Variants in AHDC1 observed in about 807,000 individuals in gnomAD.
AHDC1 encodes the protein AT-hook DNA binding motif containing 1.
A neutral mutation model predicts 87.9 loss-of-function variants in AHDC1; 7 were observed. The ratio of observed to expected loss-of-function variants is 0.08; its 90% CI spans 0.05 to 0.15. The LOEUF (loss-of-function observed/expected upper bound fraction) is 0.15. AHDC1 is among the 10% of genes least tolerant of loss of function. AHDC1 has a pLI of 1.00. For missense variants in AHDC1, 1,841 were observed against 2,253.2 expected (o/e 0.82, Z 3.70); for synonymous variants, 1,051 against 1,006.8 (o/e 1.04, Z -0.83).
In AHDC1 at chr1:27,595,073, G is replaced by A. The variant is rs2089331165; in HGVS notation, c.-629+8324C>T. The stretch of plus-strand genomic sequence containing the variant: ...AGGAGGCAGTGTGCACAAGTTTCAG[G>A]AGGTATTAGAAGCTTCGGGGCCTGA... On this transcript the variant is annotated intron_variant, in intron 3 of 8. Coordinates refer to ENST00000673934, the MANE Select transcript of AHDC1 (RefSeq NM_001371928.1). The surrounding 1 kb of genome is among the most constrained non-coding windows in gnomAD (Gnocchi z 4.0). 2.0e-5 allele frequency among the ~76,000 whole-genome samples: 3 copies of A among 152,094 alleles called. No individual in the cohort carries two copies. In the South Asian group the frequency reaches 6.2e-4, roughly 32 times the overall value.
intron 3 of AHDC1, among the ~76,000 whole-genome samples, chr1:27,600,178 CCCGCCCCCCTCCCT>C (rs1344378620): frequency 6.6e-6 from 1 of 151,906 alleles, no homozygotes; most frequent in African/African-American, 2.4e-5. Context: ...GGGTCGCTCC[CCCGCCCCCCTCCCT>C]GGGGGGGGCC....
At chr1:27,546,835 G>A (rs1165464116) in intron 8 of AHDC1, among the ~76,000 whole-genome samples, 1 of 152,134 alleles carries the variant, frequency 6.6e-6, no homozygotes, top group Non-Finnish European at 1.5e-5. Context: ...CTGGGTAGAC[G>A]ACCGTCCAAC....
Position 27,534,731 on chromosome 1 carries a change from C to T in AHDC1, c.*229G>A, listed in dbSNP as rs535792641. The T allele has an allele frequency of 6.9e-6, 1 of 144,744 alleles. No homozygotes were observed. The highest frequency in any genetic ancestry group is 1.5e-5 in the Non-Finnish European group (1 of 66,462). The allele number at this position is 144,744 out of a possible 1,614,324, so 9.0% of individuals were successfully genotyped here. ...TTTGTACATTTTTAAAAAGTATTTA[C>T]AATTGCTGGTTTTGTGCAGAAAGGG... On this transcript the variant is annotated 3_prime_UTR_variant, in exon 9 of 9. Coordinates refer to ENST00000673934, the MANE Select transcript of AHDC1 (RefSeq NM_001371928.1).
intron 3 of AHDC1, among the ~76,000 whole-genome samples, chr1:27,592,212 G>A (rs1383982133): frequency 1.3e-5 from 2 of 152,182 alleles, no homozygotes; most frequent in Non-Finnish European, 2.9e-5. Context: ...AGGGTAGGGG[G>A]CTGCAACAGG....
At position 27,598,537 on chromosome 1, in the gene AHDC1, C is replaced by G. The variant is rs1306363529; in HGVS notation, c.-629+4860G>C. Among the ~76,000 whole-genome samples the G allele has an allele frequency of 5.9e-5, 9 of 152,290 alleles. No homozygotes were observed. The South Asian group carries it at 1.0e-3, about 18-fold the overall frequency. ...TGTCAGCTGGGCTGGAGGGGGGCTC[C>G]TTCCCTCCTCCTTTCCAGGCAGTCC... is the stretch of plus-strand genomic sequence containing the variant. On this transcript the variant is annotated intron_variant, in intron 3 of 8. Transcript: ENST00000673934. This position sits in a 1 kb window ranked among gnomAD's most constrained non-coding sequence, Gnocchi z 4.2.
At chr1:27,543,396 G>A (rs969183804) in intron 8 of AHDC1, among the ~76,000 whole-genome samples, 3 of 152,208 alleles carry the variant, frequency 2.0e-5, no homozygotes, top group African/African-American at 7.2e-5. Flanking sequence ...TGCTTGACCC[G>A]TTCTGTTCCC....
intron 8 of AHDC1, among the ~76,000 whole-genome samples, chr1:27,540,690 C>T (rs1027613008): frequency 1.3e-5 from 2 of 152,066 alleles, no homozygotes; most frequent in East Asian, 1.9e-4. Context: ...AGCAAAAGCA[C>T]GGGGCACCTT....
intron 3 of AHDC1, among the ~76,000 whole-genome samples, chr1:27,601,783 A>G (rs745869338): frequency 2.0e-5 from 3 of 152,108 alleles, no homozygotes; most frequent in African/African-American, 4.8e-5. Flanking sequence ...CACACAGAAC[A>G]GGAACAAGCC....
intron 8 of AHDC1, among the ~76,000 whole-genome samples, chr1:27,537,814 C>CA (rs2018713819): frequency 6.6e-6 from 1 of 152,160 alleles, no homozygotes; most frequent in African/African-American, 2.4e-5. Context: ...GGTGCCAGGG[C>CA]ATTAAGTGGT....
At position 27,548,803 on chromosome 1, in the gene AHDC1, C is replaced by A; in HGVS notation, c.3313G>T (p.Ala1105Ser). The A allele has an allele frequency of 6.2e-7, 1 of 1,612,798 alleles. No homozygotes were observed. The highest frequency in any genetic ancestry group is 8.5e-7 in the Non-Finnish European group (1 of 1,179,746). ...SPENCRQFAG[A>S]SQWPFRQGYG... ...CCCTGCCGGAAAGGCCACTGAGAAGCCCCCGCAAACTGCCGACAGTTCTCG... is the reference window on the plus strand; with the variant it reads ...CCCTGCCGGAAAGGCCACTGAGAAGACCCCGCAAACTGCCGACAGTTCTCG... Residue 1105 changes from alanine to serine, a missense_variant, in exon 8 of 9, where the codon GCT (alanine) becomes TCT (serine). Transcript: ENST00000673934.
intron 3 of AHDC1, among the ~76,000 whole-genome samples, chr1:27,584,367 T>C (rs570572991): frequency 5.1e-4 from 77 of 152,346 alleles, no homozygotes; most frequent in African/African-American, 1.7e-3. Flanking sequence ...TTTTATCTCA[T>C]TTGAGCCTCA....
intron 5 of AHDC1, among the ~76,000 whole-genome samples, chr1:27,556,102 G>A (rs2019803629): frequency 6.6e-6 from 1 of 152,150 alleles, no homozygotes; most frequent in African/African-American, 2.4e-5. Context: ...CAGCTGGTTG[G>A]GAGGGGGCTG....
rs1402174907 is a variant in AHDC1 at position 27,560,493 on chromosome 1, C to CT, written c.-628-1611dup. 6.6e-6 allele frequency among the ~76,000 whole-genome samples: 1 copy of CT among 152,164 alleles called. No individual in the cohort carries two copies. Among genetic ancestry groups the CT allele is most frequent in the Non-Finnish European group, 1.5e-5 (1 of 68,038 alleles). On this transcript the variant is annotated intron_variant, in intron 3 of 8. Coordinates refer to ENST00000673934, the MANE Select transcript of AHDC1 (RefSeq NM_001371928.1). The surrounding 1 kb of genome is among the most constrained non-coding windows in gnomAD (Gnocchi z 4.1). The stretch of plus-strand genomic sequence containing the variant: ...ATCTCGAGGCCTGTGACTGCAGGCA[C>CT]TGGTGTCACTGTGGATCAGTGTTGC...
intron 3 of AHDC1, among the ~76,000 whole-genome samples, chr1:27,575,312 G>A (rs1174914574): frequency 6.6e-6 from 1 of 152,196 alleles, no homozygotes; most frequent in Non-Finnish European, 1.5e-5. Context: ...GAAACCAGGC[G>A]GCTGGGGGAG....
chr1:27,556,378 A>G (rs982999746), intron 5 of AHDC1, among the ~76,000 whole-genome samples: 2 of 151,754 alleles, frequency 1.3e-5, no homozygotes, highest in African/African-American at 2.4e-5. Flanking sequence ...GATGTCCTCA[A>G]ATGGAAAACA....
Position 27,534,355 on chromosome 1 carries a change from A to G in AHDC1, c.*605T>C, listed in dbSNP as rs1318361933. 6.6e-6 allele frequency: 1 copy of G among 150,726 alleles called. No individual in the cohort carries two copies. Among genetic ancestry groups the G allele is most frequent in the Non-Finnish European group, 1.5e-5 (1 of 67,766 alleles). 9.3% of individuals were successfully genotyped at this position (150,726 alleles called of 1,614,324 possible). On this transcript the variant is annotated 3_prime_UTR_variant, in exon 9 of 9. Transcript: ENST00000673934. ...CCTGCCAACAGAAAACAACAACAACAACAACAGAAGAGAAAACCCAAAAGA... is the reference window on the plus strand; with the variant it reads ...CCTGCCAACAGAAAACAACAACAACGACAACAGAAGAGAAAACCCAAAAGA...
At chr1:27,592,654 G>A (rs2089258643) in intron 3 of AHDC1, among the ~76,000 whole-genome samples, 3 of 152,024 alleles carry the variant, frequency 2.0e-5, no homozygotes, top group African/African-American at 4.8e-5. Flanking sequence ...GGAAGGAGGG[G>A]GCTCCCCAGC....
chr1:27,544,789 G>C (rs190160369), intron 8 of AHDC1, among the ~76,000 whole-genome samples: 3 of 152,346 alleles, frequency 2.0e-5, no homozygotes, highest in African/African-American at 7.2e-5. Context: ...CATCATCACT[G>C]CATGTGTGGA....
intron 3 of AHDC1, among the ~76,000 whole-genome samples, chr1:27,575,444 T>C (rs1395570751): frequency 6.6e-6 from 1 of 152,014 alleles, no homozygotes; most frequent in Admixed American, 6.5e-5. Flanking sequence ...TCCCGCAGTC[T>C]GGGGCCGGGC....
Sources: gnomAD v4.1 joint callset for allele counts (sites outside exome capture counted in the v4.1 genomes callset) on GRCh38, gnomAD v4.1.1 for gene constraint, Gnocchi (gnomAD v3.1) non-coding constraint, MANE v1.5 for transcripts, NCBI Gene and HGNC (gene_info 2026-07-23, HGNC 2026-07-21) for gene names.